PACS1: variants seen among roughly 807,000 people sequenced by gnomAD.
PACS1 encodes phosphofurin acidic cluster sorting protein 1.
In PACS1, 24 loss-of-function variants were observed where a neutral mutation model predicts 115.0. The observed-to-expected ratio is 0.21, with a 90% CI of 0.15 to 0.29. The LOEUF (loss-of-function observed/expected upper bound fraction) is 0.29, where lower values mean the gene tolerates loss of function less well. Among genes scored for constraint, PACS1 ranks in the 10% least tolerant of loss-of-function variants. The probability of loss-of-function intolerance (pLI) is 1.00; values close to 1 mark genes in which losing one functional copy is unlikely to be tolerated. For missense variants in PACS1, 838 were observed against 1,251.2 expected, an observed-to-expected ratio of 0.67 and a Z score of 4.98; for synonymous variants, 453 against 504.5, an observed-to-expected ratio of 0.90 and a Z score of 1.37.
At chr11:66,188,817 G>A (rs1309246936) in intron 1 of PACS1, among the ~76,000 whole-genome samples, 8 of 152,054 alleles carry the variant, frequency 5.3e-5, no homozygotes, top group Admixed American at 6.6e-5. Flanking sequence ...GTGCAAATGC[G>A]GGTTTATGGA....
chr11:66,159,270 T>C (rs1421844214), intron 1 of PACS1, among the ~76,000 whole-genome samples: 5 of 152,064 alleles, frequency 3.3e-5, no homozygotes, highest in Non-Finnish European at 1.5e-5. Flanking sequence ...AAACCCCATC[T>C]CTACTAAAAA....
intron 1 of PACS1, among the ~76,000 whole-genome samples, chr11:66,094,770 T>C (rs1857740601): frequency 6.6e-6 from 1 of 152,174 alleles, no homozygotes; most frequent in African/African-American, 2.4e-5. Context: ...CCAATATCCT[T>C]GATGAACATC....
rs564141455 is a variant in PACS1, at chr11:66,143,543, C to T, written c.357-49943C>T. Among the ~76,000 whole-genome samples the T allele has an allele frequency of 2.6e-5, 4 of 152,286 alleles. No homozygotes were observed. The East Asian group carries it at 5.8e-4, about 22-fold the overall frequency. On this transcript the variant is annotated intron_variant, in intron 1 of 23. Coordinates refer to ENST00000320580, the MANE Select transcript of PACS1 (RefSeq NM_018026.4). Reference sequence around the variant, plus strand: ...CTGCCTGTCATGTTCTACCACTAACCCCCAGGAAGAAATGAATGGGAAATT... The same window carrying T: ...CTGCCTGTCATGTTCTACCACTAACTCCCAGGAAGAAATGAATGGGAAATT...
intron 2 of PACS1, among the ~76,000 whole-genome samples, chr11:66,197,106 G>C (rs1176733232): frequency 2.0e-5 from 3 of 152,062 alleles, no homozygotes; most frequent in African/African-American, 7.2e-5. Context: ...CTGGATAAAA[G>C]ATCCTTTCAA....
At position 66,198,888 on chromosome 11, in the gene PACS1, T is replaced by G. The variant is rs568954155; in HGVS notation, c.444+5315T>G. On this transcript the variant is annotated intron_variant, in intron 2 of 23. Transcript: ENST00000320580. ...ACACATAATAGGTTTATTGTTAATTTTAAATGGATTAATAAATATTTTAAA... is the reference window on the plus strand; with the variant it reads ...ACACATAATAGGTTTATTGTTAATTGTAAATGGATTAATAAATATTTTAAA... Among the ~76,000 whole-genome samples the G allele has an allele frequency of 1.8e-4, 27 of 152,356 alleles. No individual in the cohort carries two copies. In the South Asian group the frequency reaches 5.6e-3, roughly 32 times the overall value.
chr11:66,194,929 A>T (rs1187391270), intron 2 of PACS1, among the ~76,000 whole-genome samples: 2 of 152,062 alleles, frequency 1.3e-5, no homozygotes, highest in African/African-American at 2.4e-5. Flanking sequence ...TAGTTCTCAA[A>T]ACTTAAAATG....
chr11:66,089,472 C>T (rs1590735868), intron 1 of PACS1, among the ~76,000 whole-genome samples: 2 of 152,116 alleles, frequency 1.3e-5, no homozygotes, highest in Non-Finnish European at 2.9e-5. Flanking sequence ...TTAATCTTTA[C>T]AGACTTCTGC....
At chr11:66,143,905 GC>G (rs1859059806) in intron 1 of PACS1, among the ~76,000 whole-genome samples, 1 of 152,212 alleles carries the variant, frequency 6.6e-6, no homozygotes, top group African/African-American at 2.4e-5. Flanking sequence ...CTCCCAAAGT[GC>G]TGAGATTACA....
intron 1 of PACS1, among the ~76,000 whole-genome samples, chr11:66,190,919 C>A (rs541706962): frequency 6.6e-6 from 1 of 152,194 alleles, no homozygotes; most frequent in Non-Finnish European, 1.5e-5. Context: ...GCTGAGGAGG[C>A]GGTGACGTGA....
chr11:66,239,060 G>A, intron 20 of PACS1, 82 bp from the exon 21 acceptor site: 1 of 1,592,916 alleles, frequency 6.3e-7, no homozygotes, highest in Non-Finnish European at 8.6e-7. Flanking sequence ...CCACAGGATG[G>A]GAGGAACCCC....
intron 1 of PACS1, among the ~76,000 whole-genome samples, chr11:66,114,611 T>C (rs1858263313): frequency 6.6e-6 from 1 of 152,168 alleles, no homozygotes; most frequent in African/African-American, 2.4e-5. Context: ...ATGCAAATAA[T>C]TTGTGTTTTT....
intron 2 of PACS1, among the ~76,000 whole-genome samples, chr11:66,203,680 A>G (rs781517503): frequency 6.6e-6 from 1 of 152,226 alleles, no homozygotes; most frequent in Admixed American, 6.5e-5. Context: ...AAGAGAATAG[A>G]TAATCTAGCA....
intron 1 of PACS1, among the ~76,000 whole-genome samples, chr11:66,182,063 A>G (rs1470638361): frequency 6.6e-6 from 1 of 152,210 alleles, no homozygotes; most frequent in Non-Finnish European, 1.5e-5. Flanking sequence ...ATACTAGAGG[A>G]GCTACTTTGG....
chr11:66,111,627 A>T (rs555411390), intron 1 of PACS1, among the ~76,000 whole-genome samples: 1 of 152,232 alleles, frequency 6.6e-6, no homozygotes, highest in East Asian at 1.9e-4. Flanking sequence ...CCTAGGAATT[A>T]TCCCAGATTA....
At chr11:66,187,511 T>C in intron 1 of PACS1, among the ~76,000 whole-genome samples, 1 of 152,222 alleles carries the variant, frequency 6.6e-6, no homozygotes, top group East Asian at 1.9e-4. Flanking sequence ...TTTTTACTTC[T>C]ATGAGATTAA....
rs1857756737 is a variant in PACS1, at chr11:66,095,367, A to ATGTACAAAAATCAC, written c.356+24526_356+24539dup. Among the ~76,000 whole-genome samples the ATGTACAAAAATCAC allele has an allele frequency of 2.6e-5, 4 of 152,226 alleles. No individual in the cohort carries two copies. The South Asian group carries it at 8.3e-4, about 32-fold the overall frequency. On this transcript the variant is annotated intron_variant, in intron 1 of 23. Transcript: ENST00000320580. ...AGCAAAGTCTCAGGATACAAAATCA[A>ATGTACAAAAATCAC]TGTACAAAAATCACAAGCATTCTTA...
At chr11:66,178,619 C>T (rs1008200766) in intron 1 of PACS1, among the ~76,000 whole-genome samples, 1 of 151,688 alleles carries the variant, frequency 6.6e-6, no homozygotes, top group African/African-American at 2.4e-5. Context: ...TTTAGAATAA[C>T]AATTTAAAAT....
intron 2 of PACS1, among the ~76,000 whole-genome samples, chr11:66,201,218 C>CAA (rs576788314): frequency 7.8e-6 from 1 of 127,888 alleles, no homozygotes; most frequent in African/African-American, 2.9e-5. Context: ...GCCTCTGTCT[C>CAA]AAAAAAAAAA....
rs1410260836 is a variant in PACS1 at position 66,210,350 on chromosome 11, T to C, written c.445-12T>C. 6.2e-7 allele frequency: 1 copy of C among 1,611,376 alleles called. No homozygotes were observed. Among genetic ancestry groups the C allele is most frequent in the Non-Finnish European group, 8.5e-7 (1 of 1,177,612 alleles). On this transcript the variant is annotated splice_polypyrimidine_tract_variant and intron_variant, in intron 2 of 23. Coordinates refer to ENST00000320580, the MANE Select transcript of PACS1 (RefSeq NM_018026.4). ...TGCACCTGGCCAAACAGACTTTTCT[T>C]CTTGGTTTCAGGGTTCAAAAAGAAT...
Sources: allele counts gnomAD v4.1 joint callset (sites outside exome capture counted in the v4.1 genomes callset), GRCh38; gene constraint gnomAD v4.1.1; transcripts MANE v1.5; gene names NCBI Gene and HGNC (gene_info 2026-07-23, HGNC 2026-07-21).